ELOVL6: variants seen among roughly 807,000 people sequenced by gnomAD.
The protein encoded by ELOVL6 is very long chain fatty acid elongase 6.
ELOVL6 carries 8 observed loss-of-function variants against 31.7 expected under a neutral mutation model. The observed-to-expected ratio is 0.25, with a 90% CI of 0.15 to 0.45. The LOEUF (loss-of-function observed/expected upper bound fraction) is 0.45. Among genes scored for constraint, ELOVL6 ranks in the 20% least tolerant of loss-of-function variants. The pLI is 1.00. For missense variants in ELOVL6, 126 were observed against 326.4 expected (o/e 0.39, Z 4.73); for synonymous variants, 101 against 117.7 (o/e 0.86, Z 0.92).
chr4:110,081,786 T>C (rs1472289800), intron 2 of ELOVL6, among the ~76,000 whole-genome samples: 1 of 148,632 alleles, frequency 6.7e-6, no homozygotes, highest in African/African-American at 2.5e-5. Context: ...CAAAAGAAAC[T>C]ACCATCAGAG....
chr4:110,094,727 T>C (rs915592652), intron 2 of ELOVL6, among the ~76,000 whole-genome samples: 2 of 151,622 alleles, frequency 1.3e-5, no homozygotes, highest in Non-Finnish European at 2.9e-5. Context: ...ATAACATCAG[T>C]CTTTGATTTC....
At position 110,084,210 on chromosome 4, in the gene ELOVL6, A is replaced by ACTTATATGATATATAT. The variant is rs1560814562; in HGVS notation, c.221+21286_221+21287insATATATATCATATAAG. On this transcript the variant is annotated intron_variant, in intron 2 of 3. Transcript: ENST00000302274. The stretch of plus-strand genomic sequence containing the variant: ...ACATATAACTTATATGATATATATA[A>ACTTATATGATATATAT]CATATAACTTATATGATATATATAA... Among the ~76,000 whole-genome samples the ACTTATATGATATATAT allele has an allele frequency of 2.0e-4, 14 of 69,296 alleles. 3 individuals are homozygous for ACTTATATGATATATAT. Among genetic ancestry groups the ACTTATATGATATATAT allele is most frequent in the African/African-American group, 8.3e-4 (10 of 12,116 alleles). The allele number at this position is 69,296 out of a possible 152,430, so 45.5% of individuals were successfully genotyped here.
chr4:110,163,418 G>A (rs1758681752), intron 1 of ELOVL6, among the ~76,000 whole-genome samples: 1 of 152,222 alleles, frequency 6.6e-6, no homozygotes, highest in African/African-American at 2.4e-5. Flanking sequence ...CATGTTTAGT[G>A]TTTGTGTCCT....
At chr4:110,085,731 C>T (rs1468155742) in intron 2 of ELOVL6, among the ~76,000 whole-genome samples, 1 of 152,104 alleles carries the variant, frequency 6.6e-6, no homozygotes, top group Non-Finnish European at 1.5e-5. Context: ...AGAGGCTCTA[C>T]TTTTTTTGGA....
intron 1 of ELOVL6, among the ~76,000 whole-genome samples, chr4:110,157,907 C>A (rs1758500509): frequency 6.6e-6 from 1 of 152,100 alleles, no homozygotes; most frequent in Admixed American, 6.6e-5. Context: ...AAGAAGTGGA[C>A]CAGCACTTTG....
chr4:110,151,506 A>G (rs1481846151), intron 1 of ELOVL6, among the ~76,000 whole-genome samples: 1 of 152,132 alleles, frequency 6.6e-6, no homozygotes, highest in Admixed American at 6.6e-5. Context: ...AGGGATGTTC[A>G]ATTTGTACCA....
At position 110,055,360 on chromosome 4, in the gene ELOVL6, A is replaced by G. The variant is rs546218015; in HGVS notation, c.374-3598T>C. Reference sequence around the variant, plus strand: ...TTTCTTGTTCAAATGTCCTGTTGGCATAACGGGAAGGACATTGGCCAAGTA... The same window carrying G: ...TTTCTTGTTCAAATGTCCTGTTGGCGTAACGGGAAGGACATTGGCCAAGTA... On this transcript the variant is annotated intron_variant, in intron 3 of 3. Coordinates refer to ENST00000302274, the MANE Select transcript of ELOVL6 (RefSeq NM_024090.3). 1.3e-3 allele frequency among the ~76,000 whole-genome samples: 199 copies of G among 152,294 alleles called. 1 individual carries two copies. Among genetic ancestry groups the G allele is most frequent in the Middle Eastern group, 0.01 (3 of 294 alleles).
chr4:110,071,003 T>C (rs1432424713), intron 2 of ELOVL6, among the ~76,000 whole-genome samples: 1 of 152,176 alleles, frequency 6.6e-6, no homozygotes, highest in Non-Finnish European at 1.5e-5. Flanking sequence ...ACATTATCTG[T>C]ATAGAGTCTT....
Position 110,051,812 on chromosome 4 carries a change from C to A in ELOVL6, c.374-50G>T. 1 of 1,502,074 alleles carries A rather than the reference C, an allele frequency of 6.7e-7. No individual in the cohort carries two copies. Among genetic ancestry groups the A allele is most frequent in the South Asian group, 1.2e-5 (1 of 81,060 alleles). 93.0% of individuals were successfully genotyped at this position (1,502,074 alleles called of 1,614,324 possible). On this transcript the variant is annotated intron_variant, in intron 3 of 3. Coordinates refer to ENST00000302274, the MANE Select transcript of ELOVL6 (RefSeq NM_024090.3). This position sits in a 1 kb window ranked among gnomAD's most constrained non-coding sequence, Gnocchi z 4.8. ...ACGTGAGATCCTTGACCACCAGTAA[C>A]GATGACTTACAGTTTTGTAAGAGGG...
At chr4:110,182,690 C>T (rs1036411875) in intron 1 of ELOVL6, among the ~76,000 whole-genome samples, 3 of 152,140 alleles carry the variant, frequency 2.0e-5, no homozygotes, top group Admixed American at 2.0e-4. Flanking sequence ...GGGTGGATCA[C>T]CTGAGGTCGG....
chr4:110,084,561 C>CACAG lies in ELOVL6; in HGVS notation c.221+20935_221+20936insCTGT, dbSNP rs869189430. ...ACACACACACACACACACACACACA[C>CACAG]AGATATATATATATATATATATATA... On this transcript the variant is annotated intron_variant, in intron 2 of 3. Transcript: ENST00000302274. Among the ~76,000 whole-genome samples the CACAG allele has an allele frequency of 2.5e-4, 15 of 61,194 alleles. 1 individual carries two copies. In the East Asian group the frequency reaches 8.6e-3, roughly 35 times the overall value. The allele number at this position is 61,194 out of a possible 152,430, so 40.1% of individuals were successfully genotyped here.
At position 110,182,013 on chromosome 4, in the gene ELOVL6, ATC is replaced by A. The variant is rs556972640; in HGVS notation, c.89+16232_89+16233del. Among the ~76,000 whole-genome samples, 98 of 152,320 alleles carry A rather than the reference ATC, an allele frequency of 6.4e-4. 1 individual carries two copies. Among genetic ancestry groups the A allele is most frequent in the Middle Eastern group, 3.4e-3 (1 of 294 alleles). ...CACGTACTCCAGGTACGTGTGCAGC[ATC>A]TGTTTCCAGGTGCCACAAGGTCCCT... On this transcript the variant is annotated intron_variant, in intron 1 of 3. Coordinates refer to ENST00000302274, the MANE Select transcript of ELOVL6 (RefSeq NM_024090.3).
chr4:110,079,247 A>G (rs1755755601), intron 2 of ELOVL6, among the ~76,000 whole-genome samples: 1 of 152,208 alleles, frequency 6.6e-6, no homozygotes, highest in Non-Finnish European at 1.5e-5. Flanking sequence ...GACCTAATAG[A>G]CATCTACAGA....
intron 2 of ELOVL6, among the ~76,000 whole-genome samples, chr4:110,066,570 G>T (rs1313906489): frequency 1.3e-5 from 2 of 149,204 alleles, no homozygotes; most frequent in African/African-American, 5.0e-5. Flanking sequence ...ACGCAGGAGG[G>T]GGAGCCTGCA....
chr4:110,166,569 C>T (rs1337602977), intron 1 of ELOVL6, among the ~76,000 whole-genome samples: 3 of 152,092 alleles, frequency 2.0e-5, no homozygotes, highest in South Asian at 2.1e-4. Flanking sequence ...GCCGAGATCG[C>T]GCCACTGCAC....
chr4:110,176,962 T>C (rs185844798), intron 1 of ELOVL6, among the ~76,000 whole-genome samples: 7 of 152,324 alleles, frequency 4.6e-5, no homozygotes, highest in Admixed American at 4.6e-4. Flanking sequence ...CTCGAACTCC[T>C]GACCTCAGGT....
chr4:110,102,486 T>C (rs1338095847), intron 2 of ELOVL6, among the ~76,000 whole-genome samples: 1 of 152,026 alleles, frequency 6.6e-6, no homozygotes, highest in African/African-American at 2.4e-5. Context: ...TGAAACTCCA[T>C]CTCTACCAAA....
intron 2 of ELOVL6, among the ~76,000 whole-genome samples, chr4:110,095,914 A>T (rs1205153938): frequency 1.3e-5 from 2 of 152,240 alleles, no homozygotes; most frequent in African/African-American, 4.8e-5. Context: ...GATGTTCATT[A>T]GGAAAATTGT....
At chr4:110,077,466 C>A (rs1038397631) in intron 2 of ELOVL6, among the ~76,000 whole-genome samples, 1 of 152,162 alleles carries the variant, frequency 6.6e-6, no homozygotes, top group African/African-American at 2.4e-5. Flanking sequence ...ACTGCTGATA[C>A]CCAGGCAAAC....
Sources: allele counts gnomAD v4.1 joint callset (sites outside exome capture counted in the v4.1 genomes callset), GRCh38; gene constraint gnomAD v4.1.1; non-coding constraint Gnocchi (gnomAD v3.1); transcripts MANE v1.5; gene names NCBI Gene and HGNC (gene_info 2026-07-23, HGNC 2026-07-21).